Variants in BRINP1 observed in about 807,000 individuals in gnomAD.
BRINP1 encodes the protein BMP/retinoic acid inducible neural specific 1.
A neutral mutation model predicts 72.9 loss-of-function variants in BRINP1; 17 were observed. The ratio of observed to expected loss-of-function variants is 0.23; its 90% CI spans 0.16 to 0.35. The LOEUF (loss-of-function observed/expected upper bound fraction) is 0.35. BRINP1 is among the 10% of genes least tolerant of loss of function. BRINP1 has a pLI of 1.00. For synonymous variants in BRINP1, 418 were observed against 378.5 expected, an observed-to-expected ratio of 1.10 and a Z score of -1.21; for missense variants, 850 against 1,001.6, an observed-to-expected ratio of 0.85 and a Z score of 2.04.
At chr9:119,260,425 C>G (rs1223987745) in intron 2 of BRINP1, among the ~76,000 whole-genome samples, 1 of 152,200 alleles carries the variant, frequency 6.6e-6, no homozygotes, top group Non-Finnish European at 1.5e-5. Flanking sequence ...TTTGCTAATC[C>G]TGTTTTATCT....
chr9:119,322,214 T>C (rs1164696001), intron 1 of BRINP1, among the ~76,000 whole-genome samples: 1 of 152,064 alleles, frequency 6.6e-6, no homozygotes, highest in Non-Finnish European at 1.5e-5. Context: ...GCCACTGGAG[T>C]TTAGAGCTTG....
intron 5 of BRINP1, among the ~76,000 whole-genome samples, chr9:119,224,191 T>G (rs531907018): frequency 1.3e-5 from 2 of 152,058 alleles, no homozygotes; most frequent in Admixed American, 1.3e-4. Flanking sequence ...AAAAGATTTA[T>G]AAATGTAAAA....
In BRINP1 at chr9:119,210,911, G is replaced by A. The variant is rs905406876; in HGVS notation, c.923-1970C>T. On this transcript the variant is annotated intron_variant, in intron 6 of 7. Coordinates refer to ENST00000265922, the MANE Select transcript of BRINP1 (RefSeq NM_014618.3). ...AGTTCCTGAGACACAGAAAGTACTC[G>A]GTTGATGGTAGCATAAGATTGACAG... 5.3e-5 allele frequency among the ~76,000 whole-genome samples: 8 copies of A among 152,116 alleles called. No homozygotes were observed. The South Asian group carries it at 1.2e-3, about 24-fold the overall frequency.
At chr9:119,171,170 A>C (rs990386019) in intron 7 of BRINP1, among the ~76,000 whole-genome samples, 9 of 150,268 alleles carry the variant, frequency 6.0e-5, no homozygotes, top group Non-Finnish European at 1.0e-4. Context: ...TGCTCCAATT[A>C]AAAGACACAG....
At chr9:119,179,302 T>G (rs1364343436) in intron 7 of BRINP1, among the ~76,000 whole-genome samples, 3 of 152,130 alleles carry the variant, frequency 2.0e-5, no homozygotes, top group Non-Finnish European at 4.4e-5. Context: ...AATCAGCATC[T>G]TTCTGTTGGA....
intron 2 of BRINP1, among the ~76,000 whole-genome samples, chr9:119,288,132 A>G (rs928357639): frequency 3.3e-5 from 5 of 152,202 alleles, no homozygotes; most frequent in African/African-American, 1.2e-4. Flanking sequence ...AGGCTGTTAA[A>G]TGTCTGGTTT....
In BRINP1 at chr9:119,193,653, T is replaced by C. The variant is rs374065851; in HGVS notation, c.1145+15066A>G. 2.0e-5 allele frequency among the ~76,000 whole-genome samples: 3 copies of C among 152,322 alleles called. No individual in the cohort carries two copies. The East Asian group carries it at 5.8e-4, about 29-fold the overall frequency. Reference sequence around the variant, plus strand: ...TCCATATGTATCTCATAACAGCATGTTGTAAACCTCAAATACACACAATAC... The same window carrying C: ...TCCATATGTATCTCATAACAGCATGCTGTAAACCTCAAATACACACAATAC... On this transcript the variant is annotated intron_variant, in intron 7 of 7. Transcript: ENST00000265922.
chr9:119,298,211 ATCCAAAGTCCG>A (rs1830900651), intron 2 of BRINP1, among the ~76,000 whole-genome samples: 2 of 152,306 alleles, frequency 1.3e-5, no homozygotes, highest in East Asian at 3.9e-4. Flanking sequence ...AGGGAAAGGA[ATCCAAAGTCCG>A]TCCCTCATGC....
chr9:119,366,503 C>CGTGTGTGTGTGTGT (rs3983901), intron 1 of BRINP1, among the ~76,000 whole-genome samples: 1 of 136,226 alleles, frequency 7.3e-6, no homozygotes, highest in Admixed American at 7.2e-5. Flanking sequence ...CCCCCACCAC[C>CGTGTGTGTGTGTGT]GTGTGTGTGT....
intron 7 of BRINP1, among the ~76,000 whole-genome samples, chr9:119,174,926 A>G (rs1167678018): frequency 3.5e-5 from 5 of 144,052 alleles, no homozygotes; most frequent in Non-Finnish European, 1.5e-5. Flanking sequence ...ATGAGATCAC[A>G]TGGACACAGG....
chr9:119,211,755 G>C (rs577007518), intron 6 of BRINP1, among the ~76,000 whole-genome samples: 8 of 152,306 alleles, frequency 5.3e-5, no homozygotes, highest in African/African-American at 1.7e-4. Context: ...GAATGGATTT[G>C]TCTTAAAGGG....
intron 1 of BRINP1, among the ~76,000 whole-genome samples, chr9:119,351,064 G>A (rs1831503757): frequency 6.6e-6 from 1 of 151,940 alleles, no homozygotes; most frequent in African/African-American, 2.4e-5. Flanking sequence ...GTTCTCCCTT[G>A]TCTTGCCCCC....
chr9:119,195,172 C>G (rs1055080365), intron 7 of BRINP1, among the ~76,000 whole-genome samples: 1 of 152,134 alleles, frequency 6.6e-6, no homozygotes, highest in African/African-American at 2.4e-5. Flanking sequence ...TCTTCTAGAT[C>G]TTGAGCTGTC....
chr9:119,176,594 G>A (rs1829492686), intron 7 of BRINP1, among the ~76,000 whole-genome samples: 1 of 152,142 alleles, frequency 6.6e-6, no homozygotes, highest in African/African-American at 2.4e-5. Flanking sequence ...CTAAAATGAG[G>A]ATAATAAAGC....
Position 119,368,324 on chromosome 9 carries a change from T to A in BRINP1, c.-51+732A>T, listed in dbSNP as rs1474628508. Among the ~76,000 whole-genome samples the A allele has an allele frequency of 6.6e-6, 1 of 152,112 alleles. No homozygotes were observed. Among genetic ancestry groups the A allele is most frequent in the African/African-American group, 2.4e-5 (1 of 41,416 alleles). ...TCAGAATCTTGGAGTCTGCCCAGTG[T>A]AGAATTTAAAGTGACAGCGTCTCAT... On this transcript the variant is annotated intron_variant, in intron 1 of 7. Coordinates refer to ENST00000265922, the MANE Select transcript of BRINP1 (RefSeq NM_014618.3). This position sits in a 1 kb window ranked among gnomAD's most constrained non-coding sequence, Gnocchi z 4.7.
At chr9:119,237,303 C>T (rs1302752807) in intron 5 of BRINP1, among the ~76,000 whole-genome samples, 1 of 151,564 alleles carries the variant, frequency 6.6e-6, no homozygotes, top group African/African-American at 2.4e-5. Flanking sequence ...ACCTAGAGAT[C>T]CAGAAGTAAG....
intron 1 of BRINP1, among the ~76,000 whole-genome samples, chr9:119,322,422 C>A (rs1279719690): frequency 6.6e-6 from 1 of 152,150 alleles, no homozygotes; most frequent in Admixed American, 6.5e-5. Context: ...TCGGGTTCAT[C>A]CCACACAGAA....
intron 2 of BRINP1, among the ~76,000 whole-genome samples, chr9:119,309,068 G>T (rs181457270): frequency 3.0e-4 from 46 of 152,084 alleles, no homozygotes; most frequent in African/African-American, 1.1e-3. Flanking sequence ...GAGAATAAAA[G>T]AATAATTCCT....
intron 1 of BRINP1, among the ~76,000 whole-genome samples, chr9:119,324,576 T>C (rs1367152505): frequency 6.6e-6 from 1 of 152,242 alleles, no homozygotes; most frequent in Non-Finnish European, 1.5e-5. Context: ...TAATCAGGTT[T>C]ATCAAGAATT....
Sources: gnomAD v4.1 joint callset for allele counts (sites outside exome capture counted in the v4.1 genomes callset) on GRCh38, gnomAD v4.1.1 for gene constraint, Gnocchi (gnomAD v3.1) non-coding constraint, MANE v1.5 for transcripts, NCBI Gene and HGNC (gene_info 2026-07-23, HGNC 2026-07-21) for gene names.